Variants in KIRREL3 observed in about 807,000 individuals in gnomAD.
KIRREL3 encodes the protein kin of IRRE-like protein 3.
A neutral mutation model predicts 89.7 loss-of-function variants in KIRREL3; 36 were observed. The observed-to-expected ratio is 0.40, with a 90% CI of 0.31 to 0.53. The LOEUF (loss-of-function observed/expected upper bound fraction) is 0.53, where lower values mean the gene tolerates loss of function less well. Among genes scored for constraint, KIRREL3 ranks in the 20% least tolerant of loss-of-function variants. The pLI, the probability that KIRREL3 is intolerant of heterozygous loss-of-function variation, is 0.49. For synonymous variants in KIRREL3, 445 were observed against 441.4 expected, an observed-to-expected ratio of 1.01 and a Z score of -0.10; for missense variants, 864 against 1,056.6, an observed-to-expected ratio of 0.82 and a Z score of 2.53.
intron 1 of KIRREL3, among the ~76,000 whole-genome samples, chr11:126,809,268 A>G (rs922990111): frequency 2.0e-5 from 3 of 152,124 alleles, no homozygotes; most frequent in Non-Finnish European, 2.9e-5. Flanking sequence ...GAGAAGATGG[A>G]ATCTCCTCCG....
At position 126,645,110 on chromosome 11, in the gene KIRREL3, A is replaced by C. The variant is rs1402297973; in HGVS notation, c.56-82198T>G. ...GGTGAAGTGAACACAGCATATTCTG[A>C]ATATATCGCAAGAGGGGTGCAGACT... is the stretch of plus-strand genomic sequence containing the variant. On this transcript the variant is annotated intron_variant, in intron 1 of 16. Transcript: ENST00000525144. This position sits in a 1 kb window ranked among gnomAD's most constrained non-coding sequence, Gnocchi z 4.9. Among the ~76,000 whole-genome samples, 2 of 152,184 alleles carry C rather than the reference A, an allele frequency of 1.3e-5. No individual in the cohort carries two copies. Among genetic ancestry groups the C allele is most frequent in the Admixed American group, 6.5e-5 (1 of 15,286 alleles).
rs946314389 is a variant in KIRREL3, at chr11:126,989,319, G to C, written c.55+11136C>G. 3.3e-5 allele frequency among the ~76,000 whole-genome samples: 5 copies of C among 152,182 alleles called. No individual in the cohort carries two copies. Among genetic ancestry groups the C allele is most frequent in the African/African-American group, 1.2e-4 (5 of 41,440 alleles). ...TCAGCCCAACTCCACTGCCCAGAAA[G>C]GCTGGCACTGTGGGGACGAAGGGGG... On this transcript the variant is annotated intron_variant, in intron 1 of 16. Transcript: ENST00000525144. The surrounding 1 kb of genome is among the most constrained non-coding windows in gnomAD (Gnocchi z 6.2).
chr11:126,567,762 C>T (rs1331151578), intron 1 of KIRREL3, among the ~76,000 whole-genome samples: 4 of 150,396 alleles, frequency 2.7e-5, no homozygotes, highest in African/African-American at 9.6e-5. Flanking sequence ...CATTAGCATT[C>T]CTGCTTCCAG....
rs1958534776 is a variant in KIRREL3 at position 126,520,036 on chromosome 11, C to T, written c.433+1279G>A. On this transcript the variant is annotated intron_variant, in intron 4 of 16. Coordinates refer to ENST00000525144, the MANE Select transcript of KIRREL3 (RefSeq NM_032531.4). The surrounding 1 kb of genome is among the most constrained non-coding windows in gnomAD (Gnocchi z 4.9). ...AGGTTTCTGAGGCTGGCCCCAAGTC[C>T]CTCCCCCGCATCTCAAGAAGTCAAG... Among the ~76,000 whole-genome samples the T allele has an allele frequency of 6.6e-6, 1 of 152,160 alleles. No homozygotes were observed. Among genetic ancestry groups the T allele is most frequent in the Non-Finnish European group, 1.5e-5 (1 of 68,032 alleles).
Position 126,605,070 on chromosome 11 carries a change from G to A in KIRREL3, c.56-42158C>T, listed in dbSNP as rs1591806857. Among the ~76,000 whole-genome samples, 1 of 152,182 alleles carries A rather than the reference G, an allele frequency of 6.6e-6. No homozygotes were observed. Among genetic ancestry groups the A allele is most frequent in the Non-Finnish European group, 1.5e-5 (1 of 68,050 alleles). Reference sequence around the variant, plus strand: ...GACCCATAATCACAGACAATGCATCGAGCCTGGTGAGGGTGTGGCCTTTCT... The same window carrying A: ...GACCCATAATCACAGACAATGCATCAAGCCTGGTGAGGGTGTGGCCTTTCT... On this transcript the variant is annotated intron_variant, in intron 1 of 16. Transcript: ENST00000525144. The surrounding 1 kb of genome is among the most constrained non-coding windows in gnomAD (Gnocchi z 5.7).
intron 1 of KIRREL3, among the ~76,000 whole-genome samples, chr11:126,825,368 T>C (rs1943370455): frequency 6.6e-6 from 1 of 152,234 alleles, no homozygotes; most frequent in Admixed American, 6.5e-5. Context: ...AGCCAGTTAT[T>C]ACATTGAAAT....
chr11:126,690,734 A>G (rs1295449392), intron 1 of KIRREL3, among the ~76,000 whole-genome samples: 2 of 152,212 alleles, frequency 1.3e-5, no homozygotes, highest in East Asian at 1.9e-4. Flanking sequence ...CGTCTACAAT[A>G]AAGAAGCTTT....
At chr11:126,916,350 C>T (rs1947036751) in intron 1 of KIRREL3, among the ~76,000 whole-genome samples, 1 of 152,134 alleles carries the variant, frequency 6.6e-6, no homozygotes, top group African/African-American at 2.4e-5. Flanking sequence ...AATTGCTGAG[C>T]CCCATCCTCA....
Position 126,977,232 on chromosome 11 carries a change from C to T in KIRREL3, c.55+23223G>A, listed in dbSNP as rs563100756. On this transcript the variant is annotated intron_variant, in intron 1 of 16. Transcript: ENST00000525144. The surrounding 1 kb of genome is among the most constrained non-coding windows in gnomAD (Gnocchi z 4.7). ...GTGCCCCGCCTGCCATCTTTTGTAC[C>T]TTTTTTTCAAAACTGAGCTCCTTGG... Among the ~76,000 whole-genome samples the T allele has an allele frequency of 9.2e-5, 14 of 152,074 alleles. No individual in the cohort carries two copies. Among genetic ancestry groups the T allele is most frequent in the African/African-American group, 3.1e-4 (13 of 41,402 alleles).
intron 1 of KIRREL3, among the ~76,000 whole-genome samples, chr11:126,852,851 T>A (rs1944387737): frequency 6.6e-6 from 1 of 152,170 alleles, no homozygotes; most frequent in Non-Finnish European, 1.5e-5. Context: ...GGAAGGCAGG[T>A]GGACTCCCTG....
At position 126,929,749 on chromosome 11, in the gene KIRREL3, T is replaced by C. The variant is rs144734010; in HGVS notation, c.55+70706A>G. Among the ~76,000 whole-genome samples the C allele has an allele frequency of 4.0e-3, 615 of 152,352 alleles. 3 individuals are homozygous for C. The highest frequency in any genetic ancestry group is 0.014 in the African/African-American group (574 of 41,588). ...TGAAAGTTCCTGGAGAATCTATTCA[T>C]GGCTTCCAATTTCCATTCATCAGGC... On this transcript the variant is annotated intron_variant, in intron 1 of 16. Coordinates refer to ENST00000525144, the MANE Select transcript of KIRREL3 (RefSeq NM_032531.4).
rs183762533 is a variant in KIRREL3, at chr11:126,782,037, T to C, written c.55+218418A>G. On this transcript the variant is annotated intron_variant, in intron 1 of 16. Transcript: ENST00000525144. This position sits in a 1 kb window ranked among gnomAD's most constrained non-coding sequence, Gnocchi z 4.1. ...GGAAAGTTAACACATTGACTAAAAT[T>C]CACACTAGGATTAAAGCAGAGACAA... Among the ~76,000 whole-genome samples the C allele has an allele frequency of 9.9e-4, 150 of 152,282 alleles. No homozygotes were observed. The highest frequency in any genetic ancestry group is 1.7e-3 in the Non-Finnish European group (116 of 68,016).
At chr11:126,720,671 T>C (rs1051358413) in intron 1 of KIRREL3, among the ~76,000 whole-genome samples, 9 of 152,346 alleles carry the variant, frequency 5.9e-5, no homozygotes, top group Admixed American at 2.6e-4. Context: ...GAGTTATAAT[T>C]ATCATAGTTA....
In KIRREL3 at chr11:126,527,139, C is replaced by A. The variant is rs536667657; in HGVS notation, c.134-452G>T. ...AGAAGGGGGTCGATGGAGAGTGGTG[C>A]GGCTTTGGTTAAACCTGAGAATTCA... On this transcript the variant is annotated intron_variant, in intron 2 of 16. Transcript: ENST00000525144. This position sits in a 1 kb window ranked among gnomAD's most constrained non-coding sequence, Gnocchi z 4.2. Among the ~76,000 whole-genome samples the A allele has an allele frequency of 1.3e-5, 2 of 152,094 alleles. No homozygotes were observed. Among genetic ancestry groups the A allele is most frequent in the Non-Finnish European group, 2.9e-5 (2 of 68,022 alleles).
At chr11:126,700,919 C>T (rs1343498956) in intron 1 of KIRREL3, among the ~76,000 whole-genome samples, 1 of 152,224 alleles carries the variant, frequency 6.6e-6, no homozygotes. Context: ...TTCTCAGAAA[C>T]TTATATCCGG....
chr11:126,925,621 G>A (rs774700179), intron 1 of KIRREL3, among the ~76,000 whole-genome samples: 9 of 152,156 alleles, frequency 5.9e-5, no homozygotes, highest in Admixed American at 1.3e-4. Context: ...GCCACCAGCC[G>A]TCCAGCTTCA....
chr11:126,872,807 T>TG lies in KIRREL3; in HGVS notation c.55+127647dup, dbSNP rs563018375. On this transcript the variant is annotated intron_variant, in intron 1 of 16. Transcript: ENST00000525144. This position sits in a 1 kb window ranked among gnomAD's most constrained non-coding sequence, Gnocchi z 4.2. Reference sequence around the variant, plus strand: ...TCAGCTCTCCATTTCCATAGTGTGTTGAATAATACCCCATGACAACTGGGG... The same window carrying TG: ...TCAGCTCTCCATTTCCATAGTGTGTTGGAATAATACCCCATGACAACTGGGG... 4.5e-4 allele frequency among the ~76,000 whole-genome samples: 69 copies of TG among 152,282 alleles called. No individual in the cohort carries two copies. In the South Asian group the frequency reaches 0.014, roughly 32 times the overall value.
chr11:126,445,088 C>T lies in KIRREL3; in HGVS notation c.1143G>A (p.Lys381=), dbSNP rs1408823741. Residue 381 remains lysine, a synonymous_variant, in exon 10 of 17, where the codon AAG becomes AAA. Coordinates refer to ENST00000525144, the MANE Select transcript of KIRREL3 (RefSeq NM_032531.4). ...GGCGCACGGATTTGAGGGTCAGGGT[C>T]TTCTCATTGCTCAGGACCTAGGAGA... ...RGSGVVLSNE[K]TLTLKSVRQE... The T allele has an allele frequency of 4.3e-6, 7 of 1,613,904 alleles. No individual in the cohort carries two copies. The highest frequency in any genetic ancestry group is 5.9e-6 in the Non-Finnish European group (7 of 1,179,906).
chr11:126,502,719 T>C (rs1957899474), intron 4 of KIRREL3, among the ~76,000 whole-genome samples: 1 of 152,224 alleles, frequency 6.6e-6, no homozygotes, highest in Non-Finnish European at 1.5e-5. Context: ...ACCTCTTGCT[T>C]CTCTAAGCCC....
Sources: allele counts gnomAD v4.1 joint callset (sites outside exome capture counted in the v4.1 genomes callset), GRCh38; gene constraint gnomAD v4.1.1; non-coding constraint Gnocchi (gnomAD v3.1); transcripts MANE v1.5; gene names NCBI Gene and HGNC (gene_info 2026-07-23, HGNC 2026-07-21).